Variants in RAB27B observed in about 807,000 individuals in gnomAD.
RAB27B encodes ras-related protein Rab-27B.
In RAB27B, 15 loss-of-function variants were observed where a neutral mutation model predicts 24.6. That is an observed-to-expected ratio of 0.61 (90% CI 0.41 to 0.94). RAB27B has a LOEUF of 0.94. RAB27B is among the 40% of genes least tolerant of loss of function. The pLI is 0.00. For synonymous variants in RAB27B, 105 were observed against 92.5 expected (o/e 1.14, Z -0.78); for missense variants, 261 against 266.8 (o/e 0.98, Z 0.15).
intron 2 of RAB27B, among the ~76,000 whole-genome samples, chr18:54,743,761 A>G (rs1211611913): frequency 6.6e-6 from 1 of 152,232 alleles, no homozygotes; most frequent in Non-Finnish European, 1.5e-5. Context: ...GAATCAGCTC[A>G]TAGATCCTTG....
intron 2 of RAB27B, among the ~76,000 whole-genome samples, chr18:54,740,849 G>T (rs1048978844): frequency 6.6e-6 from 1 of 152,152 alleles, no homozygotes; most frequent in African/African-American, 2.4e-5. Context: ...TCGATAGATA[G>T]ATAATATAAA....
intron 2 of RAB27B, among the ~76,000 whole-genome samples, chr18:54,793,586 A>G (rs150829368): frequency 9.2e-5 from 14 of 152,328 alleles, no homozygotes; most frequent in Non-Finnish European, 2.1e-4. Context: ...TCCAATGTTC[A>G]TTTCTTAGGA....
chr18:54,821,894 C>T (rs1477607553), intron 2 of RAB27B, among the ~76,000 whole-genome samples: 1 of 152,160 alleles, frequency 6.6e-6, no homozygotes, highest in Non-Finnish European at 1.5e-5. Context: ...GCTGGGATTA[C>T]AGGCATGGCC....
At chr18:54,729,439 T>C (rs1464589382) in intron 2 of RAB27B, among the ~76,000 whole-genome samples, 4 of 152,154 alleles carry the variant, frequency 2.6e-5, no homozygotes, top group African/African-American at 9.6e-5. Context: ...ATCCTCAATA[T>C]ATTAGAGTTA....
chr18:54,727,707 T>G (rs1474872849), intron 2 of RAB27B, among the ~76,000 whole-genome samples: 3 of 152,188 alleles, frequency 2.0e-5, no homozygotes, highest in Non-Finnish European at 4.4e-5. Context: ...TACTATAAAT[T>G]ATTTTTTCCT....
chr18:54,750,868 G>T (rs947570352), intron 2 of RAB27B, among the ~76,000 whole-genome samples: 1 of 152,214 alleles, frequency 6.6e-6, no homozygotes, highest in Non-Finnish European at 1.5e-5. Context: ...CTTAGGTGAT[G>T]GGCAGGAGTT....
chr18:54,725,047 G>A (rs1909486270), intron 2 of RAB27B, among the ~76,000 whole-genome samples: 1 of 151,492 alleles, frequency 6.6e-6, no homozygotes, highest in Non-Finnish European at 1.5e-5. Flanking sequence ...CCTCATTAGG[G>A]ATGGTGACTC....
At chr18:54,798,988 G>A (rs749839879) in intron 2 of RAB27B, among the ~76,000 whole-genome samples, 16 of 152,104 alleles carry the variant, frequency 1.1e-4, no homozygotes, top group Non-Finnish European at 1.8e-4. Flanking sequence ...AGAGGGTCAC[G>A]TATGTAAGGA....
At chr18:54,822,357 A>G (rs184867278) in intron 2 of RAB27B, among the ~76,000 whole-genome samples, 24 of 152,356 alleles carry the variant, frequency 1.6e-4, no homozygotes, top group Admixed American at 1.3e-3. Flanking sequence ...AATATATGAC[A>G]TCACAGCTTG....
At chr18:54,788,000 C>T (rs1246262454) in intron 2 of RAB27B, among the ~76,000 whole-genome samples, 1 of 152,178 alleles carries the variant, frequency 6.6e-6, no homozygotes, top group Non-Finnish European at 1.5e-5. Context: ...TTGTGGCATC[C>T]AAGAAAAGAT....
chr18:54,868,926 TA>T (rs1480981002), intron 1 of RAB27B, among the ~76,000 whole-genome samples: 2 of 152,194 alleles, frequency 1.3e-5, no homozygotes, highest in Non-Finnish European at 2.9e-5. Context: ...TTATAGCCCA[TA>T]AACACAAGCC....
chr18:54,760,804 C>A lies in RAB27B; in HGVS notation c.-20+42663C>A, dbSNP rs545555242. ...AATGAGGATGCCATGTTTGGTGGGA[C>A]ATGGAGTAGCTGTACCTGAAGCCCT... On this transcript the variant is annotated intron_variant, in intron 2 of 4. Coordinates refer to the RAB27B transcript ENST00000586570. Among the ~76,000 whole-genome samples, 3 of 152,164 alleles carry A rather than the reference C, an allele frequency of 2.0e-5. No homozygotes were observed. The East Asian group carries it at 5.8e-4, about 29-fold the overall frequency.
rs1173875484 is a variant in RAB27B at position 54,894,137 on chromosome 18, C to A, written c.*4724C>A. On this transcript the variant is annotated 3_prime_UTR_variant, in exon 6 of 6. Coordinates refer to ENST00000262094, the MANE Select transcript of RAB27B (RefSeq NM_004163.4). ...GTACCATCACAAAGATGCTTTCCTG[C>A]AGAGTTCTTTGTATCAACAGCCTAT... is the stretch of plus-strand genomic sequence containing the variant. The A allele has an allele frequency of 1.3e-5, 2 of 151,912 alleles. No individual in the cohort carries two copies. Among genetic ancestry groups the A allele is most frequent in the East Asian group, 3.9e-4 (2 of 5,192 alleles). The allele number at this position is 151,912 out of a possible 1,614,324, so 9.4% of individuals were successfully genotyped here.
intron 2 of RAB27B, among the ~76,000 whole-genome samples, chr18:54,798,792 G>A (rs1178409031): frequency 6.6e-6 from 1 of 152,136 alleles, no homozygotes; most frequent in Non-Finnish European, 1.5e-5. Context: ...ATTTATTTAT[G>A]ACTTATTTTC....
At position 54,791,375 on chromosome 18, in the gene RAB27B, A is replaced by T. The variant is rs570625241; in HGVS notation, c.-20+73234A>T. On this transcript the variant is annotated intron_variant, in intron 2 of 4. Transcript: ENST00000586570. ...GACTGCTTAAGGCCAGCAGTTTAAG[A>T]CCAGCCAGGGCAACATAGTGAGACC... Among the ~76,000 whole-genome samples, 262 of 152,136 alleles carry T rather than the reference A, an allele frequency of 1.7e-3. 2 individuals are homozygous for T. The highest frequency in any genetic ancestry group is 3.0e-3 in the Non-Finnish European group (204 of 68,014).
chr18:54,800,836 T>C (rs1368874469), intron 2 of RAB27B, among the ~76,000 whole-genome samples: 1 of 152,120 alleles, frequency 6.6e-6, no homozygotes, highest in Non-Finnish European at 1.5e-5. Context: ...TGCTGTCTGC[T>C]CTCATGGGTG....
intron 1 of RAB27B, among the ~76,000 whole-genome samples, chr18:54,845,528 T>A (rs923300241): frequency 6.6e-6 from 1 of 151,586 alleles, no homozygotes; most frequent in Non-Finnish European, 1.5e-5. Flanking sequence ...AAGAAAATTG[T>A]GAAATAAGTT....
At chr18:54,762,135 C>T (rs1319335096) in intron 2 of RAB27B, among the ~76,000 whole-genome samples, 5 of 152,180 alleles carry the variant, frequency 3.3e-5, no homozygotes, top group Admixed American at 2.6e-4. Flanking sequence ...TATGAACCTC[C>T]TCAAGAATAT....
intron 2 of RAB27B, among the ~76,000 whole-genome samples, chr18:54,729,372 G>A (rs1052635598): frequency 3.9e-5 from 6 of 152,176 alleles, no homozygotes; most frequent in Admixed American, 2.6e-4. Context: ...GAAAAAGGCC[G>A]GAAGGAAGAT....
Sources: gnomAD v4.1 joint callset for allele counts (sites outside exome capture counted in the v4.1 genomes callset) on GRCh38, gnomAD v4.1.1 for gene constraint, MANE v1.5 for transcripts, NCBI Gene and HGNC (gene_info 2026-07-23, HGNC 2026-07-21) for gene names.